EDC3: variants seen among roughly 807,000 people sequenced by gnomAD.
EDC3 encodes the protein enhancer of mRNA decapping 3.
A neutral mutation model predicts 41.8 loss-of-function variants in EDC3; 20 were observed. The observed-to-expected ratio is 0.48, with a 90% CI of 0.34 to 0.70. EDC3 has a LOEUF of 0.70. Ranked by LOEUF, EDC3 falls within the 30% of genes least tolerant of loss-of-function variation. EDC3 has a pLI of 0.01. For synonymous variants in EDC3, 206 were observed against 243.2 expected (o/e 0.85, Z 1.42); for missense variants, 444 against 636.8 (o/e 0.70, Z 3.26).
intron 5 of EDC3, chr15:74,637,692 A>C (rs2062290412): frequency 6.6e-6 from 1 of 152,214 alleles, no homozygotes; most frequent in African/African-American, 2.4e-5. Flanking sequence ...CTTCCATCCA[A>C]ACACATTATC....
chr15:74,692,086 T>A (rs903624922), intron 1 of EDC3, among the ~76,000 whole-genome samples: 2 of 152,200 alleles, frequency 1.3e-5, no homozygotes, highest in African/African-American at 4.8e-5. Context: ...CCCAAAGTGA[T>A]GGGATTACAG....
chr15:74,639,145 T>TA (rs1274753512), intron 5 of EDC3: 1 of 152,196 alleles, frequency 6.6e-6, no homozygotes, highest in Non-Finnish European at 1.5e-5. Flanking sequence ...CTGGCTCAGT[T>TA]TTCTAAGTTT....
At chr15:74,663,516 G>A (rs986686304) in intron 3 of EDC3, among the ~76,000 whole-genome samples, 5 of 152,066 alleles carry the variant, frequency 3.3e-5, no homozygotes, top group Admixed American at 1.3e-4. Context: ...GCTGATTGGA[G>A]CATTTTGGAT....
chr15:74,650,099 T>A (rs1404753377), intron 4 of EDC3, among the ~76,000 whole-genome samples: 1 of 152,214 alleles, frequency 6.6e-6, no homozygotes, highest in Non-Finnish European at 1.5e-5. Flanking sequence ...AACTACATCA[T>A]GAGCATGACT....
chr15:74,674,772 C>T (rs779731509), intron 2 of EDC3, 189 bp downstream of exon 2: 21 of 615,562 alleles, frequency 3.4e-5, no homozygotes, highest in African/African-American at 1.1e-4. Flanking sequence ...CCCAGCACTT[C>T]GGGAGGCCAC....
chr15:74,663,698 CAAAAAAAAAA>C (rs1286912414), intron 3 of EDC3, among the ~76,000 whole-genome samples: 2 of 66,882 alleles, frequency 3.0e-5, no homozygotes, highest in South Asian at 5.4e-4. Flanking sequence ...TGTTCAGTTT[CAAAAAAAAAA>C]AAAAAAAAGC....
At chr15:74,686,647 G>A (rs1001012832) in intron 1 of EDC3, among the ~76,000 whole-genome samples, 1 of 152,134 alleles carries the variant, frequency 6.6e-6, no homozygotes, top group Non-Finnish European at 1.5e-5. Context: ...AGGTGTGGTG[G>A]TGGGTGCCTG....
At chr15:74,676,587 G>T (rs938298942) in intron 1 of EDC3, among the ~76,000 whole-genome samples, 2 of 151,960 alleles carry the variant, frequency 1.3e-5, no homozygotes, top group Non-Finnish European at 2.9e-5. Context: ...GACAAAATGG[G>T]GAACTTCTTA....
chr15:74,658,702 A>G (rs2062582487), intron 3 of EDC3, among the ~76,000 whole-genome samples: 1 of 143,486 alleles, frequency 7.0e-6, no homozygotes, highest in Admixed American at 7.2e-5. Flanking sequence ...GCACTTTGGG[A>G]GGCCGAGGCA....
chr15:74,656,666 G>A (rs981162556), intron 3 of EDC3, among the ~76,000 whole-genome samples: 5 of 152,136 alleles, frequency 3.3e-5, no homozygotes, highest in Admixed American at 6.5e-5. Context: ...GGTCCCTGGC[G>A]AAGCCCCACC....
chr15:74,692,434 G>A (rs542442737), intron 1 of EDC3, among the ~76,000 whole-genome samples: 39 of 152,018 alleles, frequency 2.6e-4, no homozygotes, highest in Non-Finnish European at 5.1e-4. Flanking sequence ...TATGAAACAC[G>A]TAAGAAATAA....
intron 4 of EDC3, among the ~76,000 whole-genome samples, chr15:74,651,315 G>A (rs965566288): frequency 4.6e-5 from 7 of 152,200 alleles, no homozygotes; most frequent in Admixed American, 2.6e-4. Flanking sequence ...CCGTGACTGC[G>A]GGAGACAGAA....
At chr15:74,684,080 TTC>T (rs2062906662) in intron 1 of EDC3, among the ~76,000 whole-genome samples, 1 of 148,624 alleles carries the variant, frequency 6.7e-6, no homozygotes, top group Non-Finnish European at 1.5e-5. Context: ...GGTTTTTTGT[TTC>T]TGTTTTTTTT....
intron 3 of EDC3, among the ~76,000 whole-genome samples, chr15:74,656,491 C>G (rs889265287): frequency 2.6e-5 from 4 of 151,836 alleles, no homozygotes; most frequent in Non-Finnish European, 5.9e-5. Flanking sequence ...ATGAAATAAG[C>G]AGTACTCCTG....
rs2062226660 is a variant in EDC3 at position 74,632,728 on chromosome 15, C to T, written c.1411G>A (p.Ala471Thr). ...ATGTCGCACAAATAGATACGGCCTG[C>T]GTGCTCCCCCAGTGGCAGAGGCAGG... ...LGLPLPLGEH[A>T]GRIYLCDIGI... Residue 471 changes from alanine to threonine, a missense_variant, in exon 7 of 7, where the codon GCA (alanine) becomes ACA (threonine). This residue lies in a region of EDC3 where 242 missense variants were observed against 363.8 expected (regional missense o/e 0.67). Coordinates refer to ENST00000315127, the MANE Select transcript of EDC3 (RefSeq NM_025083.5). This position sits in a 1 kb window ranked among gnomAD's most constrained non-coding sequence, Gnocchi z 4.0. 1.9e-6 allele frequency: 3 copies of T among 1,614,080 alleles called. No homozygotes were observed. The highest frequency in any genetic ancestry group is 2.5e-6 in the Non-Finnish European group (3 of 1,180,030).
intron 1 of EDC3, among the ~76,000 whole-genome samples, chr15:74,682,398 C>T (rs1011510715): frequency 6.6e-6 from 1 of 151,842 alleles, no homozygotes; most frequent in African/African-American, 2.4e-5. Context: ...GCGGGTGGAT[C>T]ACAACGTCAG....
At chr15:74,644,781 T>G (rs1202613505) in intron 4 of EDC3, 4 of 151,950 alleles carry the variant, frequency 2.6e-5, no homozygotes, top group Non-Finnish European at 5.9e-5. Context: ...GGAACAAGCT[T>G]TGAACTTTAA....
intron 1 of EDC3, among the ~76,000 whole-genome samples, chr15:74,679,496 C>T (rs1290623158): frequency 6.6e-6 from 1 of 152,052 alleles, no homozygotes; most frequent in Non-Finnish European, 1.5e-5. Flanking sequence ...TAAACGTTAT[C>T]ACATCAGTAA....
At chr15:74,677,523 C>A (rs377349371) in intron 1 of EDC3, among the ~76,000 whole-genome samples, 14 of 152,110 alleles carry the variant, frequency 9.2e-5, no homozygotes, top group African/African-American at 3.4e-4. Context: ...GCCACCACAC[C>A]CAGCTAATTT....
Sources: gnomAD v4.1 joint callset for allele counts (sites outside exome capture counted in the v4.1 genomes callset) on GRCh38, gnomAD v4.1.1 for gene constraint, gnomAD v4.1.1 regional missense constraint, Gnocchi (gnomAD v3.1) non-coding constraint, MANE v1.5 for transcripts, NCBI Gene and HGNC (gene_info 2026-07-23, HGNC 2026-07-21) for gene names.